NEGR1: variants seen among roughly 807,000 people sequenced by gnomAD.
NEGR1 encodes neuronal growth regulator 1, also known as IgLON family member 4.
In NEGR1, 10 loss-of-function variants were observed where a neutral mutation model predicts 40.9. The observed-to-expected ratio is 0.24, with a 90% CI of 0.15 to 0.42. The LOEUF (loss-of-function observed/expected upper bound fraction) is 0.42. Among genes scored for constraint, NEGR1 ranks in the 10% least tolerant of loss-of-function variants. The pLI is 1.00. For synonymous variants in NEGR1, 185 were observed against 166.8 expected (o/e 1.11, Z -0.84); for missense variants, 352 against 438.9 (o/e 0.80, Z 1.77).
At position 72,189,940 on chromosome 1, in the gene NEGR1, G is replaced by A. The variant is rs374833238; in HGVS notation, c.176+92379C>T. On this transcript the variant is annotated intron_variant, in intron 1 of 6. Transcript: ENST00000357731. Reference sequence around the variant, plus strand: ...TTAGTGTCAAGTGGTAAAATGTACCGTGAATATCCTTTCATTTCTTTCCTA... The same window carrying A: ...TTAGTGTCAAGTGGTAAAATGTACCATGAATATCCTTTCATTTCTTTCCTA... Among the ~76,000 whole-genome samples the A allele has an allele frequency of 1.1e-3, 168 of 151,646 alleles. 1 individual carries two copies. The highest frequency in any genetic ancestry group is 3.7e-3 in the African/African-American group (155 of 41,504).
At chr1:71,540,080 T>G (rs902192941) in intron 6 of NEGR1, among the ~76,000 whole-genome samples, 1 of 151,658 alleles carries the variant, frequency 6.6e-6, no homozygotes, top group Non-Finnish European at 1.5e-5. Flanking sequence ...GAACTTTGGG[T>G]TTTAGTGAAT....
At chr1:71,902,462 T>A (rs1661167159) in intron 2 of NEGR1, among the ~76,000 whole-genome samples, 1 of 152,218 alleles carries the variant, frequency 6.6e-6, no homozygotes, top group Non-Finnish European at 1.5e-5. Context: ...GACACAAGTA[T>A]TTTTATGAGG....
chr1:71,661,898 G>A (rs1011077539), intron 4 of NEGR1, among the ~76,000 whole-genome samples: 1 of 152,164 alleles, frequency 6.6e-6, no homozygotes, highest in Non-Finnish European at 1.5e-5. Context: ...ACCCAACTCT[G>A]CCACTAATCA....
At chr1:71,707,084 A>G (rs373167748) in intron 3 of NEGR1, among the ~76,000 whole-genome samples, 1 of 152,020 alleles carries the variant, frequency 6.6e-6, no homozygotes, top group African/African-American at 2.4e-5. Flanking sequence ...GGAATTGCCA[A>G]TCCAAGTGGT....
intron 5 of NEGR1, among the ~76,000 whole-genome samples, chr1:71,610,373 T>A (rs777308786): frequency 2.6e-5 from 4 of 152,168 alleles, no homozygotes; most frequent in Non-Finnish European, 5.9e-5. Context: ...ATGAGCCTAC[T>A]GGTTGAAAGT....
chr1:71,408,394 G>A (rs865865401), intron 6 of NEGR1, among the ~76,000 whole-genome samples: 3 of 152,082 alleles, frequency 2.0e-5, no homozygotes, highest in Middle Eastern at 6.8e-3. Context: ...AGAATTTGGA[G>A]AGTTGAATGT....
intron 1 of NEGR1, among the ~76,000 whole-genome samples, chr1:71,942,054 G>A (rs1275038123): frequency 2.6e-5 from 4 of 151,114 alleles, no homozygotes; most frequent in African/African-American, 9.7e-5. Flanking sequence ...GTTATGCCAA[G>A]TTGGGTATAT....
chr1:72,211,483 G>A lies in NEGR1; in HGVS notation c.176+70836C>T, dbSNP rs182102591. Among the ~76,000 whole-genome samples the A allele has an allele frequency of 1.8e-3, 266 of 151,576 alleles. 2 individuals are homozygous for A. The highest frequency in any genetic ancestry group is 9.6e-3 in the South Asian group (46 of 4,814). On this transcript the variant is annotated intron_variant, in intron 1 of 6. Coordinates refer to ENST00000357731, the MANE Select transcript of NEGR1 (RefSeq NM_173808.3). ...TATGGTGAGCCAAGATTTTCTTTCC[G>A]TATCTAACCAAATATATAGTCACAG...
intron 1 of NEGR1, among the ~76,000 whole-genome samples, chr1:72,129,221 A>G (rs895140061): frequency 1.3e-5 from 2 of 152,204 alleles, no homozygotes; most frequent in African/African-American, 4.8e-5. Context: ...CCTGAGTAAT[A>G]TAAGCATATT....
At chr1:71,739,405 A>G in intron 3 of NEGR1, among the ~76,000 whole-genome samples, 1 of 151,250 alleles carries the variant, frequency 6.6e-6, no homozygotes, top group African/African-American at 2.4e-5. Flanking sequence ...GTGAGTTAAT[A>G]CTCCTTAATA....
intron 1 of NEGR1, among the ~76,000 whole-genome samples, chr1:72,180,408 T>A (rs535078686): frequency 1.4e-5 from 2 of 145,028 alleles, no homozygotes; most frequent in East Asian, 4.7e-4. Flanking sequence ...GCCATGGAAG[T>A]GATATTTAAA....
At chr1:72,115,059 A>G (rs1167953284) in intron 1 of NEGR1, among the ~76,000 whole-genome samples, 2 of 151,758 alleles carry the variant, frequency 1.3e-5, no homozygotes, top group Non-Finnish European at 2.9e-5. Context: ...TTTGGGAAAG[A>G]TAGATACTGA....
chr1:71,769,222 C>A (rs532046772), intron 3 of NEGR1, among the ~76,000 whole-genome samples: 3 of 151,676 alleles, frequency 2.0e-5, no homozygotes, highest in Non-Finnish European at 4.4e-5. Flanking sequence ...ATATGTAATA[C>A]AATTTTTATT....
chr1:71,787,885 C>T (rs1166008391), intron 2 of NEGR1, among the ~76,000 whole-genome samples: 2 of 152,164 alleles, frequency 1.3e-5, no homozygotes. Context: ...AATCCATTTT[C>T]ACATTACGTT....
chr1:71,649,977 T>C (rs1490283233), intron 4 of NEGR1, among the ~76,000 whole-genome samples: 1 of 152,014 alleles, frequency 6.6e-6, no homozygotes, highest in Non-Finnish European at 1.5e-5. Flanking sequence ...ACCTAGTTTA[T>C]GGAAAAATGA....
chr1:71,438,766 T>G (rs779935180), intron 6 of NEGR1, among the ~76,000 whole-genome samples: 1 of 152,180 alleles, frequency 6.6e-6, no homozygotes, highest in African/African-American at 2.4e-5. Flanking sequence ...GGGCCAGACA[T>G]TCTTGAGAGA....
chr1:71,825,561 T>C (rs193055778), intron 2 of NEGR1, among the ~76,000 whole-genome samples: 14 of 152,016 alleles, frequency 9.2e-5, no homozygotes, highest in Admixed American at 8.5e-4. Flanking sequence ...ATTAAGAACA[T>C]CAACTTTATA....
chr1:71,556,630 T>TACACAC (rs71965942), intron 6 of NEGR1, among the ~76,000 whole-genome samples: 9 of 147,738 alleles, frequency 6.1e-5, no homozygotes, highest in South Asian at 4.3e-4. Context: ...ATTTTGTAAT[T>TACACAC]ACACACACAC....
At chr1:71,874,023 A>G (rs1335420244) in intron 2 of NEGR1, among the ~76,000 whole-genome samples, 2 of 152,074 alleles carry the variant, frequency 1.3e-5, no homozygotes. Context: ...TCGATTTGCT[A>G]TTTTCTACAA....
Sources: allele counts gnomAD v4.1 joint callset (sites outside exome capture counted in the v4.1 genomes callset), GRCh38; gene constraint gnomAD v4.1.1; transcripts MANE v1.5; gene names NCBI Gene and HGNC (gene_info 2026-07-23, HGNC 2026-07-21).